LRRC7: variants seen among roughly 807,000 people sequenced by gnomAD.
LRRC7 encodes leucine-rich repeat-containing protein 7.
LRRC7 carries 23 observed loss-of-function variants against 175.7 expected under a neutral mutation model. The observed-to-expected ratio is 0.13, with a 90% confidence interval of 0.09 to 0.19. The LOEUF is 0.19. LRRC7 is among the 10% of genes least tolerant of loss of function. LRRC7 has a pLI of 1.00. For missense variants in LRRC7, 1,354 were observed against 1,904.7 expected (o/e 0.71, Z 5.38); for synonymous variants, 685 against 680.9 (o/e 1.01, Z -0.09).
At chr1:69,721,360 C>T (rs1272657806) in intron 2 of LRRC7, among the ~76,000 whole-genome samples, 2 of 151,832 alleles carry the variant, frequency 1.3e-5, no homozygotes, top group Non-Finnish European at 2.9e-5. Context: ...CCCTAAAACT[C>T]CTCTGTGCTC....
chr1:69,872,308 G>T (rs961070544), intron 7 of LRRC7, among the ~76,000 whole-genome samples: 1 of 151,990 alleles, frequency 6.6e-6, no homozygotes, highest in Non-Finnish European at 1.5e-5. Flanking sequence ...AAGAAATGGG[G>T]AGAAACTTAA....
intron 2 of LRRC7, among the ~76,000 whole-genome samples, chr1:69,750,281 T>C (rs551024048): frequency 2.0e-3 from 309 of 151,966 alleles, no homozygotes; most frequent in Non-Finnish European, 3.8e-3. Flanking sequence ...AAACTCTTAT[T>C]TAGCAATAAT....
chr1:69,825,418 T>C (rs556690371), intron 4 of LRRC7, among the ~76,000 whole-genome samples: 22 of 152,256 alleles, frequency 1.4e-4, no homozygotes, highest in Non-Finnish European at 3.1e-4. Context: ...CACTATAACT[T>C]AATAACTTAA....
At chr1:69,919,834 G>A in intron 7 of LRRC7, 1 of 725,654 alleles carries the variant, frequency 1.4e-6, no homozygotes, top group Admixed American at 2.4e-5. Context: ...TTGTCCGCAC[G>A]GAGTGAGGAT....
At chr1:69,571,209 T>C (rs1017852128) in intron 1 of LRRC7, among the ~76,000 whole-genome samples, 1 of 152,204 alleles carries the variant, frequency 6.6e-6, no homozygotes, top group African/African-American at 2.4e-5. Context: ...CTACATCACT[T>C]GTGTCTGCAC....
At chr1:69,592,966 A>C (rs1474710376) in intron 1 of LRRC7, among the ~76,000 whole-genome samples, 1 of 152,052 alleles carries the variant, frequency 6.6e-6, no homozygotes, top group Non-Finnish European at 1.5e-5. Flanking sequence ...TTTTTACATA[A>C]ATATTTTAAA....
At chr1:69,974,538 A>C (rs1652615156) in intron 8 of LRRC7, among the ~76,000 whole-genome samples, 1 of 152,206 alleles carries the variant, frequency 6.6e-6, no homozygotes, top group Non-Finnish European at 1.5e-5. Flanking sequence ...TAACGGAAAC[A>C]ACTGACTTTG....
chr1:69,722,158 C>A (rs543910686), intron 2 of LRRC7, among the ~76,000 whole-genome samples: 1 of 151,740 alleles, frequency 6.6e-6, no homozygotes, highest in Non-Finnish European at 1.5e-5. Flanking sequence ...TATATATTTT[C>A]TCCTTTTCCA....
At chr1:69,764,770 TAGATAGATAGACAGACAGAC>T (rs1204713518) in intron 3 of LRRC7, among the ~76,000 whole-genome samples, 53 of 150,320 alleles carry the variant, frequency 3.5e-4, no homozygotes, top group African/African-American at 1.2e-3. Flanking sequence ...GATAGATAGA[TAGATAGATAGACAGACAGAC>T]AGATAGATAA....
At chr1:70,021,795 A>G (rs1312758846) in intron 16 of LRRC7, among the ~76,000 whole-genome samples, 2 of 152,156 alleles carry the variant, frequency 1.3e-5, no homozygotes, top group African/African-American at 4.8e-5. Context: ...CATTACTTAC[A>G]TTTTTAATTA....
chr1:69,998,204 C>A (rs1399602599), intron 11 of LRRC7, among the ~76,000 whole-genome samples: 1 of 152,140 alleles, frequency 6.6e-6, no homozygotes, highest in Non-Finnish European at 1.5e-5. Flanking sequence ...TAAGCTTTGA[C>A]GTAGCTAAGA....
chr1:70,136,414 C>A lies in LRRC7; in HGVS notation c.*14527C>A, dbSNP rs1017817069. Among the ~76,000 whole-genome samples, 3 of 152,036 alleles carry A rather than the reference C, an allele frequency of 2.0e-5. No individual in the cohort carries two copies. The highest frequency in any genetic ancestry group is 7.2e-5 in the African/African-American group (3 of 41,392). ...CCTCTAGCCAATCTATATGTTTATCCTTTTTTAAAAAATTATTTAACTGTT... is the reference window on the plus strand; with the variant it reads ...CCTCTAGCCAATCTATATGTTTATCATTTTTTAAAAAATTATTTAACTGTT... On this transcript the variant is annotated 3_prime_UTR_variant, in exon 27 of 27. Coordinates refer to ENST00000651989, the MANE Select transcript of LRRC7 (RefSeq NM_001370785.2).
intron 11 of LRRC7, among the ~76,000 whole-genome samples, chr1:70,008,090 A>G (rs1241504452): frequency 3.9e-5 from 6 of 152,302 alleles, no homozygotes; most frequent in African/African-American, 1.4e-4. Context: ...GGCTGTCAGC[A>G]AGCTGAGGAG....
chr1:69,897,964 A>G (rs6424609), intron 7 of LRRC7, among the ~76,000 whole-genome samples: 91,013 of 152,012 alleles, frequency 0.6, 27,266 homozygotes, highest in East Asian at 0.71. Context: ...CGTGCAGAGT[A>G]GATTATAGCG....
intron 6 of LRRC7, among the ~76,000 whole-genome samples, chr1:69,836,571 A>G (rs2101343471): frequency 1.3e-5 from 2 of 152,170 alleles, no homozygotes; most frequent in Middle Eastern, 3.4e-3. Flanking sequence ...AATTTTGCAT[A>G]AATTGCCTAC....
Position 69,644,718 on chromosome 1 carries a change from A to G in LRRC7, c.3-33663A>G, listed in dbSNP as rs532928938. On this transcript the variant is annotated intron_variant, in intron 1 of 26. Coordinates refer to ENST00000651989, the MANE Select transcript of LRRC7 (RefSeq NM_001370785.2). The stretch of plus-strand genomic sequence containing the variant: ...AAACCTGGTATCAAGTTTTTTGCTA[A>G]GGAATAGACACAAAAATCTTTGACA... Among the ~76,000 whole-genome samples the G allele has an allele frequency of 4.6e-5, 7 of 152,118 alleles. No homozygotes were observed. The East Asian group carries it at 1.2e-3, about 25-fold the overall frequency.
intron 4 of LRRC7, among the ~76,000 whole-genome samples, chr1:69,797,040 A>G (rs1202933523): frequency 6.6e-6 from 1 of 152,176 alleles, no homozygotes; most frequent in Non-Finnish European, 1.5e-5. Flanking sequence ...GTTTGGAACT[A>G]CTAGCACAAT....
chr1:69,819,866 C>T (rs982642057), intron 4 of LRRC7, among the ~76,000 whole-genome samples: 1 of 152,004 alleles, frequency 6.6e-6, no homozygotes, highest in Non-Finnish European at 1.5e-5. Context: ...TACAGATACT[C>T]CTGCTCTCTT....
intron 3 of LRRC7, among the ~76,000 whole-genome samples, chr1:69,774,582 G>T (rs1201536216): frequency 2.6e-5 from 4 of 152,108 alleles, no homozygotes; most frequent in Admixed American, 6.5e-5. Context: ...ATGTTAATTT[G>T]CTTCACTACA....
Sources: gnomAD v4.1 joint callset for allele counts (sites outside exome capture counted in the v4.1 genomes callset) on GRCh38, gnomAD v4.1.1 for gene constraint, MANE v1.5 for transcripts, NCBI Gene and HGNC (gene_info 2026-07-23, HGNC 2026-07-21) for gene names.